Variants in DNAH6 observed in about 807,000 individuals in gnomAD.
The protein encoded by DNAH6 is axonemal beta dynein heavy chain 6.
A neutral mutation model predicts 491.4 loss-of-function variants in DNAH6; 340 were observed. The ratio of observed to expected loss-of-function variants is 0.69; its 90% confidence interval spans 0.63 to 0.76. The LOEUF (loss-of-function observed/expected upper bound fraction) is 0.76, where lower values mean the gene tolerates loss of function less well. DNAH6 is among the 30% of genes least tolerant of loss of function. DNAH6 has a pLI of 0.00. For missense variants in DNAH6, 4,443 were observed against 4,972.2 expected, an observed-to-expected ratio of 0.89 and a Z score of 3.20; for synonymous variants, 1,603 against 1,686.1, an observed-to-expected ratio of 0.95 and a Z score of 1.21.
intron 33 of DNAH6, among the ~76,000 whole-genome samples, chr2:84,643,684 T>C (rs972746461): frequency 4.6e-5 from 7 of 152,176 alleles, no homozygotes; most frequent in African/African-American, 1.7e-4. Flanking sequence ...TTCATCTCTG[T>C]TATAGTGTGC....
rs1683830059 is a variant in DNAH6 at position 84,588,950 on chromosome 2, T to G, written c.2606T>G (p.Phe869Cys). 3 of 1,544,496 alleles carry G rather than the reference T, an allele frequency of 1.9e-6. No homozygotes were observed. The highest frequency in any genetic ancestry group is 2.6e-6 in the Non-Finnish European group (3 of 1,145,028). ...CAGTATAAGTCCTATCAGAAGAATTTTAAGGTAATGACAGTTTTACACCAT... is the reference window on the plus strand; with the variant it reads ...CAGTATAAGTCCTATCAGAAGAATTGTAAGGTAATGACAGTTTTACACCAT... ...AFQYKSYQKN[F>C]KVEVSKFEAL... The change falls in exon 16 of 77, where the codon TTT becomes TGT. Residue 869 changes from phenylalanine (F) to cysteine (C), a missense_variant. Physicochemically the swap from Phe to Cys is radical, Grantham distance 205. This residue lies in a region of DNAH6 where 2,977 missense variants were observed against 3,296.6 expected (regional missense o/e 0.90). Coordinates refer to ENST00000389394, the MANE Select transcript of DNAH6 (RefSeq NM_001370.2).
chr2:84,697,747 T>C lies in DNAH6; in HGVS notation c.7677+20T>C. 1 of 1,551,510 alleles carries C rather than the reference T, an allele frequency of 6.4e-7. No homozygotes were observed. Among genetic ancestry groups the C allele is most frequent in the Non-Finnish European group, 8.7e-7 (1 of 1,146,856 alleles). On this transcript the variant is annotated intron_variant, in intron 47 of 76. Transcript: ENST00000389394. ...GACGAGGTAGGATGTGCCAGAGTAG[T>C]TATGTGGCTTTATCACAAAAACGTT...
chr2:84,554,194 C>T (rs1268861747), intron 10 of DNAH6, among the ~76,000 whole-genome samples: 4 of 152,236 alleles, frequency 2.6e-5, no homozygotes, highest in African/African-American at 7.2e-5. Context: ...AGGGCTTTCA[C>T]TTGATTCAGT....
intron 4 of DNAH6, among the ~76,000 whole-genome samples, chr2:84,540,625 C>CTAA (rs907141174): frequency 1.8e-4 from 27 of 152,192 alleles, no homozygotes; most frequent in African/African-American, 6.5e-4. Flanking sequence ...TCTGAAATGA[C>CTAA]TAATAATAAT....
rs759289250 is a variant in DNAH6 at position 84,669,455 on chromosome 2, A to G, written c.6251A>G (p.Lys2084Arg). 1.0e-4 allele frequency: 161 copies of G among 1,551,846 alleles called. No homozygotes were observed. The highest frequency in any genetic ancestry group is 1.2e-4 in the Non-Finnish European group (134 of 1,147,026). ...DTVRYGYLME[K>R]LLAVKHSVLF... ...GTGCGCTATGGGTATCTAATGGAAA[A>G]ACTACTGGCAGTCAAGCATTCCGTG... Residue 2084 changes from lysine (K) to arginine (R), a missense_variant, in exon 38 of 77, where the codon AAA becomes AGA. Lys to Arg is a conservative substitution (Grantham distance 26). Coordinates refer to ENST00000389394, the MANE Select transcript of DNAH6 (RefSeq NM_001370.2).
At chr2:84,787,342 C>G in intron 68 of DNAH6, 40 bp downstream of exon 68, 1 of 1,522,638 alleles carries the variant, frequency 6.6e-7, no homozygotes, top group Non-Finnish European at 8.8e-7. Context: ...ATCTATGTAC[C>G]ACAAAGTTGT....
In DNAH6 at chr2:84,640,542, G is replaced by C. The variant is rs771287098; in HGVS notation, c.4934G>C (p.Gly1645Ala). ...TCTCAGCAGGATCACTACGACTTTGGCATGAGAGCTGTGAAGTCTGTCCTG... is the reference window on the plus strand; with the variant it reads ...TCTCAGCAGGATCACTACGACTTTGCCATGAGAGCTGTGAAGTCTGTCCTG... ...QLSQQDHYDF[G>A]MRAVKSVLVM... is the part of the protein sequence containing the mutation. The change falls in exon 32 of 77, where the codon GGC becomes GCC. Residue 1645 changes from glycine (G) to alanine (A), a missense_variant. By Grantham distance (60) the Gly-to-Ala change is moderately conservative. Transcript: ENST00000389394. 1 of 1,550,898 alleles carries C rather than the reference G, an allele frequency of 6.4e-7. No homozygotes were observed.
At chr2:84,478,045 G>A in the DNAH6 span, among the ~76,000 whole-genome samples, 21 of 152,128 alleles carry the variant, frequency 1.4e-4, no homozygotes, top group Non-Finnish European at 1.0e-4. Flanking sequence ...ACAGGCTTCC[G>A]GGGCTGATGA....
chr2:84,638,400 T>C (rs1325132983), intron 31 of DNAH6, among the ~76,000 whole-genome samples: 1 of 152,052 alleles, frequency 6.6e-6, no homozygotes, highest in Non-Finnish European at 1.5e-5. Flanking sequence ...GCTCAGTGAA[T>C]TCTTACACAT....
intron 64 of DNAH6, chr2:84,778,137 C>T: frequency 1.3e-6 from 1 of 768,696 alleles, no homozygotes; most frequent in Non-Finnish European, 2.4e-6. Context: ...GCCAACAGCA[C>T]CAACCCCAAC....
the DNAH6 span, among the ~76,000 whole-genome samples, chr2:84,494,348 T>G: frequency 8.5e-5 from 13 of 152,316 alleles, no homozygotes; most frequent in Non-Finnish European, 1.3e-4. Context: ...ACTAATATCC[T>G]GATTTTCAGG....
chr2:84,686,676 A>T, intron 44 of DNAH6, 119 bp downstream of exon 44: 2 of 620,244 alleles, frequency 3.2e-6, no homozygotes, highest in South Asian at 2.5e-5. Flanking sequence ...TCTAGGCCAG[A>T]TGTCAGCAAA....
In DNAH6 at chr2:84,733,485, T is replaced by C; in HGVS notation, c.10248T>C (p.Ala3416=). 6.4e-7 allele frequency: 1 copy of C among 1,551,510 alleles called. No homozygotes were observed. The highest frequency in any genetic ancestry group is 8.7e-7 in the Non-Finnish European group (1 of 1,146,808). The change falls in exon 62 of 77, where the codon GCT becomes GCC. Residue 3416 remains alanine (A), a synonymous_variant. Coordinates refer to ENST00000389394, the MANE Select transcript of DNAH6 (RefSeq NM_001370.2). The part of the protein sequence containing the change: ...PKPEAPWLPT[A]TWFACCDLEE... Reference sequence around the variant, plus strand: ...CTGAAGCTCCCTGGCTACCTACTGCTACATGGTTCGCATGCTGTGACTTGG... The same window carrying C: ...CTGAAGCTCCCTGGCTACCTACTGCCACATGGTTCGCATGCTGTGACTTGG...
the DNAH6 span, among the ~76,000 whole-genome samples, chr2:84,487,775 G>A: frequency 0.046 from 6,975 of 152,258 alleles, 214 homozygotes; most frequent in Middle Eastern, 0.095. Flanking sequence ...AGCAAGGGCA[G>A]GCCCCTTTCC....
chr2:84,541,660 G>A (rs1334621725), intron 4 of DNAH6, among the ~76,000 whole-genome samples: 1 of 152,170 alleles, frequency 6.6e-6, no homozygotes. Context: ...AGAAAAGTGA[G>A]GTGAAACCTC....
At position 84,621,200 on chromosome 2, in the gene DNAH6, G is replaced by C. The variant is rs1005406803; in HGVS notation, c.3802G>C (p.Gly1268Arg). 6.4e-7 allele frequency: 1 copy of C among 1,551,472 alleles called. No homozygotes were observed. The highest frequency in any genetic ancestry group is 8.7e-7 in the Non-Finnish European group (1 of 1,146,840). The change falls in exon 25 of 77, where the codon GGG becomes CGG. Residue 1268 changes from glycine (G) to arginine (R), a missense_variant. Transcript: ENST00000389394. ...LSPEGERVSL[G>R]KGLKARGNVE... ...TCTGATTACCTTTTAGGTTAGCTTG[G>C]GGAAAGGCCTCAAGGCCCGAGGCAA...
At chr2:84,651,914 T>A (rs1174540465) in intron 33 of DNAH6, among the ~76,000 whole-genome samples, 1 of 152,050 alleles carries the variant, frequency 6.6e-6, no homozygotes, top group Non-Finnish European at 1.5e-5. Context: ...TCGTTATATA[T>A]CTTGAGCATC....
At chr2:84,747,325 T>C (rs1026748080) in intron 63 of DNAH6, among the ~76,000 whole-genome samples, 1 of 152,164 alleles carries the variant, frequency 6.6e-6, no homozygotes, top group Admixed American at 6.5e-5. Flanking sequence ...ACAATGATGG[T>C]TTGGGCATTG....
At chr2:84,709,036 G>A (rs1353494370) in intron 54 of DNAH6, among the ~76,000 whole-genome samples, 1 of 152,132 alleles carries the variant, frequency 6.6e-6, no homozygotes, top group East Asian at 1.9e-4. Flanking sequence ...TCTCCCAACA[G>A]GGAAAATACA....
Sources: gnomAD v4.1 joint callset for allele counts (sites outside exome capture counted in the v4.1 genomes callset) on GRCh38, gnomAD v4.1.1 for gene constraint, gnomAD v4.1.1 regional missense constraint, MANE v1.5 for transcripts, NCBI Gene and HGNC (gene_info 2026-07-23, HGNC 2026-07-21) for gene names.